FRMD7: variants seen among roughly 807,000 people sequenced by gnomAD.
FRMD7 encodes the protein FERM domain containing 7, also known as FERM domain-containing protein 7.
A neutral mutation model predicts 44.1 loss-of-function variants in FRMD7; 14 were observed. The ratio of observed to expected loss-of-function variants is 0.32; its 90% confidence interval spans 0.21 to 0.50. FRMD7 has a LOEUF of 0.50. Among genes scored for constraint, FRMD7 ranks in the 20% least tolerant of loss-of-function variants. FRMD7 has a pLI of 0.99. For missense variants in FRMD7, 501 were observed against 522.3 expected (o/e 0.96, Z 0.40); for synonymous variants, 212 against 187.4 (o/e 1.13, Z -1.07).
intron 8 of FRMD7, among the ~76,000 whole-genome samples, chrX:132,083,137 G>A (rs1234300000): frequency 9.0e-6 from 1 of 110,687 alleles, no homozygotes; most frequent in Non-Finnish European, 1.9e-5. Flanking sequence ...AGTTTTTTTT[G>A]TTGAGATGGG....
chrX:132,124,180 C>G (rs1271070463), intron 1 of FRMD7, among the ~76,000 whole-genome samples: 2 of 111,906 alleles, frequency 1.8e-5, no homozygotes, highest in Non-Finnish European at 3.8e-5. Flanking sequence ...GTCTTATCTT[C>G]CTTTTTTCCT....
intron 8 of FRMD7, among the ~76,000 whole-genome samples, chrX:132,083,869 G>A (rs951834546): frequency 1.8e-5 from 2 of 111,389 alleles, no homozygotes; most frequent in Admixed American, 9.5e-5. Context: ...AGGCTGAGGC[G>A]GTAGGATCAC....
At chrX:132,119,985 A>G (rs1403035298) in intron 1 of FRMD7, among the ~76,000 whole-genome samples, 1 of 111,379 alleles carries the variant, frequency 9.0e-6, no homozygotes, top group African/African-American at 3.3e-5. Flanking sequence ...CACAAAAGCT[A>G]GGCACTGCTC....
intron 1 of FRMD7, among the ~76,000 whole-genome samples, chrX:132,119,762 C>T (rs755077115): frequency 9.0e-6 from 1 of 111,457 alleles, no homozygotes; most frequent in African/African-American, 3.3e-5. Context: ...TTCCTCGGAA[C>T]GCCTATCACC....
At chrX:132,100,952 G>T (rs1006000125) in intron 1 of FRMD7, among the ~76,000 whole-genome samples, 1 of 111,661 alleles carries the variant, frequency 9.0e-6, no homozygotes, top group African/African-American at 3.3e-5. Context: ...CTTGGAAAAA[G>T]AAATACTTGC....
chrX:132,086,961 C>T (rs1928012044), intron 5 of FRMD7, among the ~76,000 whole-genome samples: 1 of 112,218 alleles, frequency 8.9e-6, no homozygotes, highest in East Asian at 2.8e-4. Context: ...CTGGCTTTTC[C>T]AAATAGCTAG....
intron 1 of FRMD7, among the ~76,000 whole-genome samples, chrX:132,103,773 C>T (rs985749520): frequency 2.7e-5 from 3 of 112,043 alleles, no homozygotes; most frequent in Non-Finnish European, 5.6e-5. Context: ...ACTAGCTGGA[C>T]GAATTGGGGC....
At chrX:132,121,370 A>T (rs770104996) in intron 1 of FRMD7, among the ~76,000 whole-genome samples, 3 of 111,392 alleles carry the variant, frequency 2.7e-5, no homozygotes, top group African/African-American at 9.8e-5. Flanking sequence ...ATAGAGATAA[A>T]CATAATATTT....
intron 3 of FRMD7, among the ~76,000 whole-genome samples, chrX:132,097,731 G>A (rs183791047): frequency 1.1e-4 from 12 of 112,098 alleles, no homozygotes; most frequent in Middle Eastern, 4.6e-3. Context: ...TTCAGCTGAG[G>A]CAGGTGTACA....
chrX:132,082,404 G>A lies in FRMD7; in HGVS notation c.864C>T (p.Pro288=). Residue 288 remains proline (P), a synonymous_variant, in exon 9 of 12, where the codon CCC becomes CCT. Transcript: ENST00000298542. ...FRLSEEPKSK[P]KTLLCSKGSS... ...AACCCTTGCTGCAGAGTAGGGTTTT[G>A]GGCTTTGATTTGGGCTCTTCCGAAA... The A allele has an allele frequency of 1.7e-6, 2 of 1,210,592 alleles. No homozygotes were observed. The highest frequency in any genetic ancestry group is 2.2e-6 in the Non-Finnish European group (2 of 894,474).
intron 9 of FRMD7, among the ~76,000 whole-genome samples, chrX:132,081,373 A>C (rs191461665): frequency 4.5e-5 from 5 of 111,675 alleles, no homozygotes; most frequent in East Asian, 5.6e-4. Flanking sequence ...ACAAAAAAAA[A>C]CACAAGAATA....
intron 1 of FRMD7, among the ~76,000 whole-genome samples, chrX:132,107,290 A>G (rs751313875): frequency 3.5e-4 from 39 of 112,008 alleles, no homozygotes; most frequent in Non-Finnish European, 6.0e-4. Context: ...CCTGTTTCCA[A>G]TGCTGACTCT....
At chrX:132,120,525 C>T (rs1167000284) in intron 1 of FRMD7, among the ~76,000 whole-genome samples, 1 of 113,092 alleles carries the variant, frequency 8.8e-6, no homozygotes, top group Non-Finnish European at 1.9e-5. Context: ...AGCTCCAAAG[C>T]CAGTTCCCCA....
intron 1 of FRMD7, among the ~76,000 whole-genome samples, chrX:132,104,160 G>A (rs895442202): frequency 8.9e-6 from 1 of 112,301 alleles, no homozygotes; most frequent in Non-Finnish European, 1.9e-5. Flanking sequence ...ATGCACATAT[G>A]CATATGCACT....
At chrX:132,117,000 T>C (rs781444190) in intron 1 of FRMD7, among the ~76,000 whole-genome samples, 1 of 111,846 alleles carries the variant, frequency 8.9e-6, no homozygotes, top group Admixed American at 9.5e-5. Flanking sequence ...TTCTGTGACT[T>C]TGGGAAAGTT....
At chrX:132,116,727 G>C (rs988219073) in intron 1 of FRMD7, among the ~76,000 whole-genome samples, 1 of 111,723 alleles carries the variant, frequency 9.0e-6, no homozygotes, top group African/African-American at 3.3e-5. Context: ...GGCTTAATAC[G>C]TAGGTGATGG....
chrX:132,084,403 A>T, intron 8 of FRMD7, 87 bp downstream of exon 8: 1 of 597,519 alleles, frequency 1.7e-6, no homozygotes, highest in Non-Finnish European at 3.0e-6. Context: ...GCCGGCTTTT[A>T]CAATTTACAT....
chrX:132,084,457 G>T, intron 8 of FRMD7, 33 bp downstream of exon 8: 2 of 898,106 alleles, frequency 2.2e-6, no homozygotes, highest in Non-Finnish European at 3.3e-6. Context: ...CCAGTGAACA[G>T]AAAGTAAACG....
chrX:132,086,976 T>C (rs775540828), intron 5 of FRMD7, among the ~76,000 whole-genome samples: 2 of 112,477 alleles, frequency 1.8e-5, no homozygotes, highest in Non-Finnish European at 3.8e-5. Context: ...AGCTAGCAGT[T>C]TATCTATGAT....
Sources: allele counts gnomAD v4.1 joint callset (sites outside exome capture counted in the v4.1 genomes callset), GRCh38; gene constraint gnomAD v4.1.1; transcripts MANE v1.5; gene names NCBI Gene and HGNC (gene_info 2026-07-23, HGNC 2026-07-21).